Variants in SLFN12 observed in about 807,000 individuals in gnomAD.
The protein encoded by SLFN12 is schlafen family member 12.
A neutral mutation model predicts 29.1 loss-of-function variants in SLFN12; 25 were observed. The observed-to-expected ratio is 0.86, with a 90% CI of 0.63 to 1.20. The LOEUF (loss-of-function observed/expected upper bound fraction) is 1.20. Among genes scored for constraint, SLFN12 ranks in the 50% most tolerant of loss-of-function variants. The pLI, the probability that SLFN12 is intolerant of heterozygous loss-of-function variation, is 0.00. For missense variants in SLFN12, 660 were observed against 666.2 expected (o/e 0.99, Z 0.10); for synonymous variants, 257 against 238.7 (o/e 1.08, Z -0.71).
chr17:35,427,373 T>C (rs1041134422), intron 1 of SLFN12, among the ~76,000 whole-genome samples: 1 of 152,166 alleles, frequency 6.6e-6, no homozygotes, highest in Non-Finnish European at 1.5e-5. Context: ...TCTGACATCA[T>C]TCCTGTCACC....
In SLFN12 at chr17:35,411,587, C is replaced by T. The variant is rs763933139; in HGVS notation, c.1488G>A (p.Lys496=). ...GYTKKVCVMT[K]IFYLSPEGMT... is the part of the protein sequence containing the mutation. ...TGCCTTCAGGGCTCAAGTAGAAGAT[C>T]TTTGTCATGACACACACTTTTTTAG... The change falls in exon 4 of 4, where the codon AAG becomes AAA. Residue 496 remains lysine, a synonymous_variant. Transcript: ENST00000304905. 4 of 1,614,052 alleles carry T rather than the reference C, an allele frequency of 2.5e-6. No individual in the cohort carries two copies. Among genetic ancestry groups the T allele is most frequent in the South Asian group, 2.2e-5 (2 of 91,080 alleles).
intron 1 of SLFN12, among the ~76,000 whole-genome samples, chr17:35,424,834 T>A (rs1911906295): frequency 6.6e-6 from 1 of 152,174 alleles, no homozygotes; most frequent in Admixed American, 6.5e-5. Context: ...GTTTTTTATT[T>A]TATTAATTTA....
chr17:35,417,787 A>G (rs145854786), intron 3 of SLFN12, among the ~76,000 whole-genome samples: 3 of 152,146 alleles, frequency 2.0e-5, no homozygotes, highest in Non-Finnish European at 4.4e-5. Flanking sequence ...GGCCTTATAT[A>G]AACTCAGTAT....
rs1912368093 is a variant in SLFN12, at chr17:35,432,337, CA to C, written c.-191del. On this transcript the variant is annotated 5_prime_UTR_variant, in exon 1 of 4. Coordinates refer to ENST00000304905, the MANE Select transcript of SLFN12 (RefSeq NM_018042.5). ...TTATTGAAAACGAAAGTGCACTCCACAGGGTGGGAGCAGGCCCGAGGATAGC... is the reference window on the plus strand; with the variant it reads ...TTATTGAAAACGAAAGTGCACTCCACGGGTGGGAGCAGGCCCGAGGATAGC... 6.6e-6 allele frequency: 1 copy of C among 152,222 alleles called. No individual in the cohort carries two copies. The highest frequency in any genetic ancestry group is 1.5e-5 in the Non-Finnish European group (1 of 68,128). The allele number at this position is 152,222 out of a possible 1,614,324, so 9.4% of individuals were successfully genotyped here.
chr17:35,429,615 G>A (rs1447533454), intron 1 of SLFN12, among the ~76,000 whole-genome samples: 2 of 152,086 alleles, frequency 1.3e-5, no homozygotes, highest in Non-Finnish European at 2.9e-5. Context: ...ACAGCATTCA[G>A]ATCTCCTTAG....
chr17:35,420,225 T>C (rs768904470), intron 3 of SLFN12, 49 bp downstream of exon 3: 3 of 1,339,374 alleles, frequency 2.2e-6, no homozygotes, highest in Non-Finnish European at 3.2e-6. Context: ...GAGAAAGAGG[T>C]TTGACTACAG....
chr17:35,413,567 G>A (rs1045802382), intron 3 of SLFN12, among the ~76,000 whole-genome samples: 4 of 151,874 alleles, frequency 2.6e-5, no homozygotes, highest in Non-Finnish European at 5.9e-5. Context: ...GGCCAACATG[G>A]TGACACCCCG....
At position 35,422,517 on chromosome 17, in the gene SLFN12, A is replaced by G. The variant is rs1466552066; in HGVS notation, c.512T>C (p.Ile171Thr). 4 of 1,613,820 alleles carry G rather than the reference A, an allele frequency of 2.5e-6. No homozygotes were observed. Among genetic ancestry groups the G allele is most frequent in the Admixed American group, 1.7e-5 (1 of 59,980 alleles). The change falls in exon 2 of 4, where the codon ATA (isoleucine) becomes ACA (threonine). Residue 171 changes from isoleucine to threonine, a missense_variant. Coordinates refer to ENST00000304905, the MANE Select transcript of SLFN12 (RefSeq NM_018042.5). The stretch of plus-strand genomic sequence containing the variant: ...GGCCTTCATGTTATTTTCTTCTTGT[A>G]TATCAACACAGGGCCTCTTTGCCAG... ...ELLAKRPCVDIQEENNMKALA... is the reference protein window; with the variant it reads ...ELLAKRPCVDTQEENNMKALA...
At chr17:35,421,611 C>T (rs1013982738) in intron 2 of SLFN12, among the ~76,000 whole-genome samples, 3 of 148,478 alleles carry the variant, frequency 2.0e-5, no homozygotes, top group African/African-American at 7.5e-5. Flanking sequence ...GCAATCTCCG[C>T]CCACTGCAAC....
At chr17:35,417,776 T>A (rs1911398011) in intron 3 of SLFN12, among the ~76,000 whole-genome samples, 1 of 152,098 alleles carries the variant, frequency 6.6e-6, no homozygotes, top group Non-Finnish European at 1.5e-5. Flanking sequence ...CCTAACAATG[T>A]GGCCTTATAT....
chr17:35,413,706 G>A lies in SLFN12; in HGVS notation c.1148-1779C>T, dbSNP rs377017579. Among the ~76,000 whole-genome samples, 75 of 146,864 alleles carry A rather than the reference G, an allele frequency of 5.1e-4. No individual in the cohort carries two copies. The East Asian group carries it at 8.0e-3, about 16-fold the overall frequency. On this transcript the variant is annotated intron_variant, in intron 3 of 3. Coordinates refer to ENST00000304905, the MANE Select transcript of SLFN12 (RefSeq NM_018042.5). The stretch of plus-strand genomic sequence containing the variant: ...GGAGGTTGCAGGGTGCCAAGATAGC[G>A]CCATTGCACTCCAACCTGGGTAACA...
chr17:35,422,040 A>T lies in SLFN12; in HGVS notation c.989T>A (p.Met330Lys). 6.2e-7 allele frequency: 1 copy of T among 1,614,086 alleles called. No individual in the cohort carries two copies. Among genetic ancestry groups the T allele is most frequent in the Non-Finnish European group, 8.5e-7 (1 of 1,179,986 alleles). Residue 330 changes from methionine (M) to lysine (K), a missense_variant, in exon 2 of 4, where the codon ATG (methionine) becomes AAG (lysine). Coordinates refer to ENST00000304905, the MANE Select transcript of SLFN12 (RefSeq NM_018042.5). ...GATCCATTCCTTCCTGGTCAACTGC[A>T]TCACACGGTTATCTTTCACATGCCA... ...DSWHVKDNRVMQLTRKEWIQF... is the reference protein window; with the variant it reads ...DSWHVKDNRVKQLTRKEWIQF...
chr17:35,427,683 T>G (rs538653583), intron 1 of SLFN12, among the ~76,000 whole-genome samples: 9 of 152,292 alleles, frequency 5.9e-5, no homozygotes, highest in African/African-American at 1.9e-4. Context: ...AGCTATTCTT[T>G]AAAAACCTTA....
intron 2 of SLFN12, 95 bp from the exon 3 acceptor site, chr17:35,420,476 G>T: frequency 1.4e-6 from 1 of 723,578 alleles, no homozygotes; most frequent in Non-Finnish European, 2.2e-6. Flanking sequence ...ACTTGTAACT[G>T]ATTCTGTTTT....
chr17:35,431,864 AAAG>A (rs1232093961), intron 1 of SLFN12: 2 of 152,174 alleles, frequency 1.3e-5, no homozygotes, highest in Non-Finnish European at 2.9e-5. Flanking sequence ...TAACATAAGG[AAAG>A]AAGGTTTAAG....
intron 2 of SLFN12, 141 bp from the exon 3 acceptor site, chr17:35,420,522 T>G: frequency 1.8e-6 from 1 of 551,788 alleles, no homozygotes. Context: ...TGTGGTTAGA[T>G]TCTTAGGTCA....
At chr17:35,414,490 T>C (rs1911207719) in intron 3 of SLFN12, among the ~76,000 whole-genome samples, 1 of 152,032 alleles carries the variant, frequency 6.6e-6, no homozygotes, top group African/African-American at 2.4e-5. Context: ...ATAGCTTGTG[T>C]TCATGGATTG....
chr17:35,413,413 T>A (rs1196896708), intron 3 of SLFN12, among the ~76,000 whole-genome samples: 1 of 151,834 alleles, frequency 6.6e-6, no homozygotes, highest in African/African-American at 2.4e-5. Context: ...ATGCAAAAAT[T>A]CTCAACAAAA....
At chr17:35,413,892 T>C (rs1044544744) in intron 3 of SLFN12, among the ~76,000 whole-genome samples, 1 of 152,052 alleles carries the variant, frequency 6.6e-6, no homozygotes, top group Non-Finnish European at 1.5e-5. Flanking sequence ...TATATGCTCA[T>C]ATTAACGGAT....
Sources: allele counts gnomAD v4.1 joint callset (sites outside exome capture counted in the v4.1 genomes callset), GRCh38; gene constraint gnomAD v4.1.1; transcripts MANE v1.5; gene names NCBI Gene and HGNC (gene_info 2026-07-23, HGNC 2026-07-21).